The following ZNF804B variants were observed in gnomAD, a reference collection of about 807,000 sequenced individuals.
ZNF804B encodes zinc finger 804B.
A neutral mutation model predicts 101.4 loss-of-function variants in ZNF804B; 80 were observed. The observed-to-expected ratio is 0.79, with a 90% CI of 0.66 to 0.95. The LOEUF is 0.95. Ranked by LOEUF, ZNF804B falls within the 40% of genes least tolerant of loss-of-function variation. The pLI, the probability that ZNF804B is intolerant of heterozygous loss-of-function variation, is 0.00. For missense variants in ZNF804B, 1,673 were observed against 1,561.9 expected (o/e 1.07, Z -1.20); for synonymous variants, 622 against 558.8 (o/e 1.11, Z -1.59).
chr7:89,267,569 G>A (rs1789819861), intron 2 of ZNF804B, among the ~76,000 whole-genome samples: 3 of 152,098 alleles, frequency 2.0e-5, no homozygotes, highest in Non-Finnish European at 4.4e-5. Context: ...GACCTGGAGT[G>A]ACCATAGATG....
chr7:89,106,792 A>G (rs1378342458), intron 1 of ZNF804B, among the ~76,000 whole-genome samples: 1 of 152,146 alleles, frequency 6.6e-6, no homozygotes, highest in Non-Finnish European at 1.5e-5. Context: ...AAACAAGACC[A>G]AGCTAATATG....
intron 2 of ZNF804B, among the ~76,000 whole-genome samples, chr7:89,274,125 C>CT (rs796100298): frequency 9.1e-5 from 13 of 143,524 alleles, no homozygotes; most frequent in Middle Eastern, 3.6e-3. Flanking sequence ...CTGCTTCATT[C>CT]TTTTTTTTTT....
At chr7:88,909,310 C>T (rs1792515306) in intron 1 of ZNF804B, among the ~76,000 whole-genome samples, 1 of 151,772 alleles carries the variant, frequency 6.6e-6, no homozygotes, top group African/African-American at 2.4e-5. Flanking sequence ...AATACTGTTT[C>T]TATGACACTT....
intron 1 of ZNF804B, among the ~76,000 whole-genome samples, chr7:88,949,056 C>A (rs55634839): frequency 0.1 from 15,452 of 151,188 alleles, 858 homozygotes; most frequent in South Asian, 0.17. Context: ...TTTAAATTAA[C>A]GTCATACATA....
chr7:88,995,613 T>C (rs1788177677), intron 1 of ZNF804B, among the ~76,000 whole-genome samples: 3 of 151,834 alleles, frequency 2.0e-5, no homozygotes, highest in African/African-American at 7.3e-5. Flanking sequence ...TAGAGTCTGG[T>C]TTTATGACTT....
chr7:88,854,406 T>TTC (rs1562812524), intron 1 of ZNF804B, among the ~76,000 whole-genome samples: 44 of 126,690 alleles, frequency 3.5e-4, no homozygotes, highest in African/African-American at 1.4e-3. Context: ...TTTCTTTCTT[T>TTC]CTTTCTTCCT....
At chr7:89,236,999 T>A (rs1451648733) in intron 2 of ZNF804B, among the ~76,000 whole-genome samples, 2 of 152,136 alleles carry the variant, frequency 1.3e-5, no homozygotes, top group Admixed American at 6.6e-5. Flanking sequence ...AGTCTAAAGC[T>A]ATGACTCCAC....
chr7:89,303,423 G>A (rs1332446817), intron 2 of ZNF804B, among the ~76,000 whole-genome samples: 7 of 151,854 alleles, frequency 4.6e-5, no homozygotes, highest in Non-Finnish European at 1.0e-4. Flanking sequence ...GTGTTAAAAG[G>A]TACACAAAAA....
intron 1 of ZNF804B, among the ~76,000 whole-genome samples, chr7:88,877,666 A>G (rs1023391847): frequency 6.6e-6 from 1 of 152,132 alleles, no homozygotes; most frequent in Non-Finnish European, 1.5e-5. Context: ...AATAGTGTCT[A>G]CCTCATAGAG....
intron 1 of ZNF804B, among the ~76,000 whole-genome samples, chr7:89,217,645 T>C (rs886114056): frequency 1.3e-5 from 2 of 152,100 alleles, no homozygotes; most frequent in Non-Finnish European, 2.9e-5. Context: ...CATAAACCCA[T>C]TGGTAATGTG....
At chr7:89,012,524 C>G (rs1216568016) in intron 1 of ZNF804B, among the ~76,000 whole-genome samples, 2 of 152,194 alleles carry the variant, frequency 1.3e-5, no homozygotes, top group Non-Finnish European at 2.9e-5. Context: ...ATCTCTAGTA[C>G]AGGGGCAAGA....
chr7:88,940,492 C>T (rs1793039809), intron 1 of ZNF804B, among the ~76,000 whole-genome samples: 1 of 151,846 alleles, frequency 6.6e-6, no homozygotes, highest in South Asian at 2.1e-4. Flanking sequence ...AATAGAATGG[C>T]CAGGTGTGGT....
intron 1 of ZNF804B, among the ~76,000 whole-genome samples, chr7:89,139,061 G>A (rs959528510): frequency 4.6e-5 from 7 of 152,148 alleles, no homozygotes; most frequent in Admixed American, 4.6e-4. Flanking sequence ...GATATTGCAG[G>A]TTTTGCTCCA....
intron 1 of ZNF804B, among the ~76,000 whole-genome samples, chr7:88,928,332 T>G (rs1792836267): frequency 6.6e-6 from 1 of 152,152 alleles, no homozygotes; most frequent in Non-Finnish European, 1.5e-5. Flanking sequence ...TTAGGAAAAC[T>G]TATTCTGAAT....
chr7:88,774,432 C>T (rs1282311163), intron 1 of ZNF804B, among the ~76,000 whole-genome samples: 1 of 151,926 alleles, frequency 6.6e-6, no homozygotes, highest in Non-Finnish European at 1.5e-5. Flanking sequence ...GTGTGAGGTC[C>T]AGAGTACCTC....
intron 2 of ZNF804B, among the ~76,000 whole-genome samples, chr7:89,250,186 C>G (rs1789517100): frequency 6.7e-6 from 1 of 149,778 alleles, no homozygotes. Flanking sequence ...GATTTTGTTT[C>G]ATTAAAAAAA....
chr7:89,128,917 G>T (rs908550751), intron 1 of ZNF804B, among the ~76,000 whole-genome samples: 6 of 151,938 alleles, frequency 3.9e-5, no homozygotes, highest in African/African-American at 1.4e-4. Flanking sequence ...TCATGCCAAG[G>T]TGAAAGCATT....
intron 1 of ZNF804B, among the ~76,000 whole-genome samples, chr7:89,079,755 A>ACT (rs904285032): frequency 1.3e-5 from 2 of 152,178 alleles, no homozygotes; most frequent in Non-Finnish European, 2.9e-5. Flanking sequence ...CTCAGAGGTG[A>ACT]CTTTTGCGTA....
intron 1 of ZNF804B, among the ~76,000 whole-genome samples, chr7:89,007,492 C>A (rs1788384639): frequency 1.1e-3 from 25 of 23,412 alleles, no homozygotes; most frequent in East Asian, 2.7e-3. Flanking sequence ...ATATGTCAAC[C>A]TAATATAATA....
Sources: gnomAD v4.1 joint callset for allele counts (sites outside exome capture counted in the v4.1 genomes callset) on GRCh38, gnomAD v4.1.1 for gene constraint, MANE v1.5 for transcripts, NCBI Gene and HGNC (gene_info 2026-07-23, HGNC 2026-07-21) for gene names.